C12orf50: variants seen among roughly 807,000 people sequenced by gnomAD.
C12orf50 encodes uncharacterized protein C12orf50.
A neutral mutation model predicts 61.6 loss-of-function variants in C12orf50; 35 were observed. The ratio of observed to expected loss-of-function variants is 0.57; its 90% CI spans 0.43 to 0.75. The LOEUF (loss-of-function observed/expected upper bound fraction) is 0.75. C12orf50 is among the 30% of genes least tolerant of loss of function. The pLI is 0.00. For synonymous variants in C12orf50, 178 were observed against 161.5 expected (o/e 1.10, Z -0.77); for missense variants, 475 against 488.5 (o/e 0.97, Z 0.26).
chr12:87,999,151 A>G (rs1767705775), intron 3 of C12orf50, among the ~76,000 whole-genome samples: 1 of 152,214 alleles, frequency 6.6e-6, no homozygotes, highest in Non-Finnish European at 1.5e-5. Context: ...GCTGGAAAGC[A>G]GTTCCCAGCC....
intron 4 of C12orf50, among the ~76,000 whole-genome samples, chr12:87,997,415 T>C (rs1290032886): frequency 2.0e-5 from 3 of 152,150 alleles, no homozygotes; most frequent in Non-Finnish European, 4.4e-5. Context: ...TATACATTTA[T>C]ATAGATATAC....
intron 3 of C12orf50, among the ~76,000 whole-genome samples, chr12:88,002,624 A>G (rs1403081199): frequency 6.6e-6 from 1 of 151,686 alleles, no homozygotes; most frequent in African/African-American, 2.4e-5. Context: ...TGTAGACAGC[A>G]TATAGTTTTA....
At chr12:88,004,142 C>T (rs752184784) in intron 3 of C12orf50, among the ~76,000 whole-genome samples, 1 of 152,074 alleles carries the variant, frequency 6.6e-6, no homozygotes, top group Non-Finnish European at 1.5e-5. Flanking sequence ...TTGATAGTCT[C>T]TATTGTTGAG....
At position 87,989,248 on chromosome 12, in the gene C12orf50, A is replaced by C; in HGVS notation, c.700+16T>G. The stretch of plus-strand genomic sequence containing the variant: ...GCCAAATTACAAATGAATCAAAATT[A>C]TATAATATTCATTACCTTTAGTATT... On this transcript the variant is annotated intron_variant, in intron 8 of 12. Coordinates refer to ENST00000298699, the MANE Select transcript of C12orf50 (RefSeq NM_152589.3). The C allele has an allele frequency of 6.5e-7, 1 of 1,535,496 alleles. No individual in the cohort carries two copies. Among genetic ancestry groups the C allele is most frequent in the Non-Finnish European group, 8.9e-7 (1 of 1,119,280 alleles).
At chr12:87,983,861 G>A (rs2136398276) in intron 11 of C12orf50, 1 of 106,664 alleles carries the variant, frequency 9.4e-6, no homozygotes, top group South Asian at 3.6e-4. Flanking sequence ...ACGTGTGCAT[G>A]TGTCTTTATA....
Position 87,989,391 on chromosome 12 carries a change from T to C in C12orf50, c.593-20A>G. The stretch of plus-strand genomic sequence containing the variant: ...CACCTCCTATGACAAAACCTTACTG[T>C]CAGTGGCAACAATGGCAGAAAGTGA... On this transcript the variant is annotated intron_variant, in intron 7 of 12. Transcript: ENST00000298699. The C allele has an allele frequency of 6.4e-7, 1 of 1,552,234 alleles. No individual in the cohort carries two copies. The highest frequency in any genetic ancestry group is 1.4e-5 in the African/African-American group (1 of 73,614).
At chr12:87,990,435 T>C (rs1369232000) in intron 7 of C12orf50, among the ~76,000 whole-genome samples, 2 of 152,158 alleles carry the variant, frequency 1.3e-5, no homozygotes. Flanking sequence ...ACAAAACCAG[T>C]GATAAAAATG....
At chr12:87,981,967 A>G (rs2030499779) in intron 12 of C12orf50, among the ~76,000 whole-genome samples, 1 of 152,108 alleles carries the variant, frequency 6.6e-6, no homozygotes, top group Admixed American at 6.6e-5. Context: ...TGGTACATGT[A>G]TTATGTGCTG....
At chr12:88,008,382 A>G (rs897659784) in intron 3 of C12orf50, among the ~76,000 whole-genome samples, 1 of 152,192 alleles carries the variant, frequency 6.6e-6, no homozygotes, top group Admixed American at 6.5e-5. Flanking sequence ...GTGTCCCTGC[A>G]AAGAATATGA....
chr12:88,024,803 A>T (rs1179848219), intron 3 of C12orf50, among the ~76,000 whole-genome samples: 1 of 152,220 alleles, frequency 6.6e-6, no homozygotes, highest in Non-Finnish European at 1.5e-5. Context: ...AGATAAATGA[A>T]GAGAATGTGT....
intron 3 of C12orf50, among the ~76,000 whole-genome samples, chr12:88,012,957 A>G (rs1592676486): frequency 6.6e-6 from 1 of 152,050 alleles, no homozygotes; most frequent in East Asian, 1.9e-4. Flanking sequence ...CCAGCTACTC[A>G]GGAGGCTGAG....
chr12:87,999,671 T>C (rs2031569037), intron 3 of C12orf50, among the ~76,000 whole-genome samples: 1 of 152,144 alleles, frequency 6.6e-6, no homozygotes, highest in Non-Finnish European at 1.5e-5. Context: ...TTTAGCTACA[T>C]ACCAAGAGGT....
At chr12:88,022,909 C>T (rs4447247) in intron 3 of C12orf50, among the ~76,000 whole-genome samples, 39,099 of 152,090 alleles carry the variant, frequency 0.26, 10,047 homozygotes, top group African/African-American at 0.67. Flanking sequence ...AGAATCAACA[C>T]CATGAAAATG....
intron 6 of C12orf50, among the ~76,000 whole-genome samples, chr12:87,995,668 T>C: frequency 6.6e-6 from 1 of 150,594 alleles, no homozygotes; most frequent in East Asian, 1.9e-4. Context: ...CTTGTTTTCT[T>C]CTTTTGTTTT....
intron 7 of C12orf50, among the ~76,000 whole-genome samples, 187 bp from the exon 8 acceptor site, chr12:87,989,558 A>G (rs1428156002): frequency 6.6e-6 from 1 of 152,136 alleles, no homozygotes; most frequent in Non-Finnish European, 1.5e-5. Context: ...ATATATGTAT[A>G]TGAATATGCA....
At chr12:88,009,515 G>A (rs1392616417) in intron 3 of C12orf50, among the ~76,000 whole-genome samples, 4 of 151,712 alleles carry the variant, frequency 2.6e-5, no homozygotes, top group Admixed American at 6.6e-5. Context: ...TACTCCCTAC[G>A]TACTAGGAAA....
intron 4 of C12orf50, among the ~76,000 whole-genome samples, chr12:87,997,140 A>C (rs924785463): frequency 6.7e-6 from 1 of 149,068 alleles, no homozygotes; most frequent in African/African-American, 2.6e-5. Context: ...GCAAAGGATG[A>C]ACTAAAATGC....
intron 3 of C12orf50, among the ~76,000 whole-genome samples, chr12:88,021,118 A>C (rs554051647): frequency 6.6e-6 from 1 of 152,302 alleles, no homozygotes; most frequent in South Asian, 2.1e-4. Flanking sequence ...TCACAACTAG[A>C]AGAACTAGAG....
intron 3 of C12orf50, among the ~76,000 whole-genome samples, chr12:88,017,018 A>G (rs1319258467): frequency 6.6e-6 from 1 of 152,232 alleles, no homozygotes; most frequent in Non-Finnish European, 1.5e-5. Flanking sequence ...ATATTGAGGG[A>G]AGAGTGTTTT....
Sources: gnomAD v4.1 joint callset for allele counts (sites outside exome capture counted in the v4.1 genomes callset) on GRCh38, gnomAD v4.1.1 for gene constraint, MANE v1.5 for transcripts, NCBI Gene and HGNC (gene_info 2026-07-23, HGNC 2026-07-21) for gene names.